Variants in CTNNA3 observed in about 807,000 individuals in gnomAD.
CTNNA3 encodes the protein catenin alpha-3.
Under a neutral mutation model 95.7 loss-of-function variants are expected in CTNNA3, and 76 were observed. That is an observed-to-expected ratio of 0.79 (90% CI 0.66 to 0.96). The LOEUF (loss-of-function observed/expected upper bound fraction) is 0.96. Ranked by LOEUF, CTNNA3 falls within the 40% of genes least tolerant of loss-of-function variation. The probability of loss-of-function intolerance (pLI) is 0.00; values close to 1 mark genes in which losing one functional copy is unlikely to be tolerated. For synonymous variants in CTNNA3, 431 were observed against 374.4 expected (o/e 1.15, Z -1.74); for missense variants, 1,191 against 1,089.8 (o/e 1.09, Z -1.31).
intron 15 of CTNNA3, among the ~76,000 whole-genome samples, chr10:66,061,691 G>C (rs2080202795): frequency 6.6e-6 from 1 of 151,700 alleles, no homozygotes; most frequent in African/African-American, 2.4e-5. Context: ...AAATGGACGT[G>C]ACTCATTCCT....
At chr10:67,436,271 A>G (rs1375989842) in intron 5 of CTNNA3, among the ~76,000 whole-genome samples, 1 of 152,162 alleles carries the variant, frequency 6.6e-6, no homozygotes, top group Non-Finnish European at 1.5e-5. Context: ...GGCTAGACAC[A>G]AGTAGGATAA....
intron 7 of CTNNA3, among the ~76,000 whole-genome samples, chr10:67,157,885 G>A (rs1861380090): frequency 6.6e-6 from 1 of 152,240 alleles, no homozygotes; most frequent in Non-Finnish European, 1.5e-5. Flanking sequence ...AAAAAGGAAA[G>A]AATTCACTCA....
At chr10:65,962,099 A>G (rs2077857657) in intron 17 of CTNNA3, among the ~76,000 whole-genome samples, 1 of 152,136 alleles carries the variant, frequency 6.6e-6, no homozygotes, top group African/African-American at 2.4e-5. Flanking sequence ...CATTGGAATC[A>G]CTTTGTGAAA....
At chr10:66,373,855 CA>C (rs1200131280) in intron 12 of CTNNA3, among the ~76,000 whole-genome samples, 17 of 152,332 alleles carry the variant, frequency 1.1e-4, no homozygotes, top group African/African-American at 4.1e-4. Context: ...ATCAATTGTT[CA>C]AAAGCTTGCT....
chr10:67,309,974 A>G (rs534432309), intron 5 of CTNNA3, among the ~76,000 whole-genome samples: 2 of 152,296 alleles, frequency 1.3e-5, no homozygotes, highest in Admixed American at 6.5e-5. Context: ...AGATGTTTCT[A>G]TTTACCCAAA....
At chr10:67,088,448 C>T (rs561444359) in intron 7 of CTNNA3, among the ~76,000 whole-genome samples, 2 of 151,846 alleles carry the variant, frequency 1.3e-5, no homozygotes, top group East Asian at 3.9e-4. Context: ...TCAAAAGTGG[C>T]CACATCATTT....
chr10:66,955,842 G>A (rs892053704), intron 7 of CTNNA3, among the ~76,000 whole-genome samples: 1 of 152,034 alleles, frequency 6.6e-6, no homozygotes, highest in Non-Finnish European at 1.5e-5. Context: ...TCAAATTCTT[G>A]GAGCCCATTG....
intron 7 of CTNNA3, chr10:67,052,654 A>C (rs1855182319): frequency 6.6e-6 from 1 of 152,182 alleles, no homozygotes; most frequent in South Asian, 2.1e-4. Context: ...ATCTCTATTA[A>C]GAGGATGAGG....
At chr10:66,421,741 C>A (rs2093194956) in intron 11 of CTNNA3, among the ~76,000 whole-genome samples, 1 of 143,918 alleles carries the variant, frequency 6.9e-6, no homozygotes, top group Admixed American at 7.4e-5. Flanking sequence ...GAGGCTGAGG[C>A]AAAGAAATGG....
intron 1 of CTNNA3, among the ~76,000 whole-genome samples, chr10:67,727,640 ATAT>A (rs1238500058): frequency 1.1e-4 from 14 of 128,472 alleles, no homozygotes; most frequent in Admixed American, 2.7e-4. Flanking sequence ...TATATATTAT[ATAT>A]TATTATATTA....
At chr10:67,276,060 A>G (rs1043411889) in intron 5 of CTNNA3, among the ~76,000 whole-genome samples, 2 of 152,194 alleles carry the variant, frequency 1.3e-5, no homozygotes, top group African/African-American at 4.8e-5. Context: ...TTCAGATAAT[A>G]CTAACGGGGC....
intron 3 of CTNNA3, among the ~76,000 whole-genome samples, chr10:67,550,254 T>C (rs1263328270): frequency 1.3e-5 from 2 of 152,152 alleles, no homozygotes; most frequent in Non-Finnish European, 2.9e-5. Context: ...GAATTTCCCA[T>C]ATGCCTCAGT....
At chr10:66,392,322 C>A (rs564872030) in intron 11 of CTNNA3, among the ~76,000 whole-genome samples, 1 of 151,716 alleles carries the variant, frequency 6.6e-6, no homozygotes, top group Non-Finnish European at 1.5e-5. Flanking sequence ...CCTAACTACT[C>A]GGGAGGTTGT....
chr10:66,957,974 G>C (rs1848910257), intron 7 of CTNNA3, among the ~76,000 whole-genome samples: 1 of 151,966 alleles, frequency 6.6e-6, no homozygotes, highest in African/African-American at 2.4e-5. Context: ...ATTTCATAAA[G>C]GTGAGCCTCT....
intron 10 of CTNNA3, among the ~76,000 whole-genome samples, chr10:66,532,538 G>T (rs1841507244): frequency 6.6e-6 from 1 of 151,778 alleles, no homozygotes; most frequent in African/African-American, 2.4e-5. Flanking sequence ...TGTAGACTTG[G>T]ATTCAGCTTT....
chr10:65,917,661 A>T lies in CTNNA3; in HGVS notation c.*2669T>A, dbSNP rs1015925513. 6.6e-6 allele frequency: 1 copy of T among 152,282 alleles called. No homozygotes were observed. Among genetic ancestry groups the T allele is most frequent in the South Asian group, 2.1e-4 (1 of 4,824 alleles). The allele number at this position is 152,282 out of a possible 1,614,324, so 9.4% of individuals were successfully genotyped here. A position where few individuals can be genotyped will look rare whatever the true frequency, so the allele number is the denominator to read the frequency against. On this transcript the variant is annotated 3_prime_UTR_variant, in exon 18 of 18. Transcript: ENST00000433211. ...CTTATTAGCAGGATCAAGCAAATGT[A>T]TTATCAGAGGAAGCACTAATCTCTG...
At chr10:67,073,995 A>G (rs1856599196) in intron 7 of CTNNA3, among the ~76,000 whole-genome samples, 2 of 150,988 alleles carry the variant, frequency 1.3e-5, no homozygotes, top group African/African-American at 4.9e-5. Flanking sequence ...ACTCAGATCT[A>G]CTGAATTATC....
At chr10:66,805,167 C>A (rs1213097515) in intron 7 of CTNNA3, among the ~76,000 whole-genome samples, 1 of 151,946 alleles carries the variant, frequency 6.6e-6, no homozygotes, top group Admixed American at 6.6e-5. Flanking sequence ...GGGAGATGAC[C>A]TCTGGAAGCT....
At chr10:66,322,003 G>A (rs1038799263) in intron 12 of CTNNA3, among the ~76,000 whole-genome samples, 2 of 152,140 alleles carry the variant, frequency 1.3e-5, no homozygotes, top group African/African-American at 2.4e-5. Context: ...CACTGAAAGT[G>A]AGACTAGGTA....
Sources: gnomAD v4.1 joint callset for allele counts (sites outside exome capture counted in the v4.1 genomes callset) on GRCh38, gnomAD v4.1.1 for gene constraint, MANE v1.5 for transcripts, NCBI Gene and HGNC (gene_info 2026-07-23, HGNC 2026-07-21) for gene names.